The following CNTN1 variants were observed in gnomAD, a reference collection of about 807,000 sequenced individuals.
The protein encoded by CNTN1 is contactin 1.
Under a neutral mutation model 126.4 loss-of-function variants are expected in CNTN1, and 38 were observed. The observed-to-expected ratio is 0.30, with a 90% confidence interval of 0.23 to 0.39. The LOEUF (loss-of-function observed/expected upper bound fraction) is 0.39, where lower values mean the gene tolerates loss of function less well. Ranked by LOEUF, CNTN1 falls within the 10% of genes least tolerant of loss-of-function variation. CNTN1 has a pLI of 1.00. For missense variants in CNTN1, 1,009 were observed against 1,248.4 expected (o/e 0.81, Z 2.89); for synonymous variants, 413 against 422.6 (o/e 0.98, Z 0.28).
At chr12:41,024,795 A>T (rs1289390695) in intron 20 of CNTN1, among the ~76,000 whole-genome samples, 2 of 152,228 alleles carry the variant, frequency 1.3e-5, no homozygotes, top group African/African-American at 2.4e-5. Context: ...GAAATAAATG[A>T]TAAAAATTAT....
intron 1 of CNTN1, among the ~76,000 whole-genome samples, chr12:40,857,296 C>T (rs1284895864): frequency 1.3e-5 from 2 of 152,020 alleles, no homozygotes; most frequent in Non-Finnish European, 2.9e-5. Context: ...AGGTGTTCAC[C>T]AAATAAGCCA....
chr12:41,040,119 G>T (rs758851353), intron 23 of CNTN1, among the ~76,000 whole-genome samples: 62 of 152,106 alleles, frequency 4.1e-4, no homozygotes, highest in Non-Finnish European at 7.2e-4. Flanking sequence ...AAAGAAGAGG[G>T]TCTGTCTCTT....
chr12:40,716,139 C>T (rs1171787141), intron 1 of CNTN1, among the ~76,000 whole-genome samples: 2 of 152,174 alleles, frequency 1.3e-5, no homozygotes, highest in African/African-American at 2.4e-5. Flanking sequence ...AAAGGATAAA[C>T]TTTTCCATGG....
At chr12:40,977,770 TGTTTTGTTTTG>T (rs1566078826) in intron 15 of CNTN1, among the ~76,000 whole-genome samples, 1 of 134,854 alleles carries the variant, frequency 7.4e-6, no homozygotes, top group African/African-American at 2.6e-5. Context: ...TCATCTGTTT[TGTTTTGTTTTG>T]TTTTGTTTTG....
intron 23 of CNTN1, among the ~76,000 whole-genome samples, chr12:41,052,577 C>A (rs1446957085): frequency 6.6e-6 from 1 of 151,912 alleles, no homozygotes; most frequent in South Asian, 2.1e-4. Context: ...CTTTATCATA[C>A]TTTATCTATC....
chr12:40,967,459 G>A (rs947088410), intron 15 of CNTN1, among the ~76,000 whole-genome samples: 16 of 152,070 alleles, frequency 1.1e-4, no homozygotes, highest in Non-Finnish European at 1.9e-4. Flanking sequence ...TAGCCTGGGC[G>A]ACAGAGTGAG....
chr12:40,891,414 C>G (rs922218118), intron 1 of CNTN1, among the ~76,000 whole-genome samples: 1 of 152,032 alleles, frequency 6.6e-6, no homozygotes, highest in African/African-American at 2.4e-5. Flanking sequence ...GCCTTTATTG[C>G]TATATCAAAG....
chr12:40,930,124 G>A (rs1290785044), intron 7 of CNTN1, 122 bp downstream of exon 7: 7 of 841,802 alleles, frequency 8.3e-6, no homozygotes, highest in Non-Finnish European at 1.4e-5. Context: ...AATATAAAAG[G>A]GGATGCATGT....
intron 23 of CNTN1, among the ~76,000 whole-genome samples, chr12:41,068,087 T>C (rs948862067): frequency 1.3e-5 from 2 of 152,194 alleles, no homozygotes; most frequent in African/African-American, 2.4e-5. Context: ...TTGCTAAAGC[T>C]ACCTGCAAGA....
At chr12:40,956,978 G>A (rs1444871650) in intron 14 of CNTN1, among the ~76,000 whole-genome samples, 1 of 151,842 alleles carries the variant, frequency 6.6e-6, no homozygotes, top group African/African-American at 2.4e-5. Flanking sequence ...AAGAATTTAT[G>A]ATGAGTTTAT....
chr12:40,966,479 C>T (rs950113753), intron 15 of CNTN1, among the ~76,000 whole-genome samples: 11 of 151,994 alleles, frequency 7.2e-5, no homozygotes, highest in African/African-American at 2.7e-4. Flanking sequence ...GGCTGGTTCT[C>T]CATAATTGTA....
At chr12:40,855,899 T>G (rs1435402213) in intron 1 of CNTN1, among the ~76,000 whole-genome samples, 1 of 152,176 alleles carries the variant, frequency 6.6e-6, no homozygotes, top group Non-Finnish European at 1.5e-5. Context: ...AAATGGAAAT[T>G]GCTTGACTTA....
At chr12:40,708,376 A>G (rs1941823302) in intron 1 of CNTN1, among the ~76,000 whole-genome samples, 3 of 152,242 alleles carry the variant, frequency 2.0e-5, no homozygotes, top group South Asian at 4.1e-4. Context: ...CATTATGTCT[A>G]AGAAAATGTA....
At chr12:40,877,034 T>C (rs1322258882) in intron 1 of CNTN1, among the ~76,000 whole-genome samples, 1 of 152,190 alleles carries the variant, frequency 6.6e-6, no homozygotes, top group African/African-American at 2.4e-5. Context: ...TTTGAGCTGC[T>C]CTAAGAACTG....
intron 1 of CNTN1, among the ~76,000 whole-genome samples, chr12:40,844,173 T>G (rs1942408198): frequency 1.3e-5 from 2 of 148,992 alleles, no homozygotes; most frequent in Non-Finnish European, 3.0e-5. Context: ...GTTCAAGCGA[T>G]TCTTCTGCCT....
chr12:41,051,965 ATT>A (rs1949697384), intron 23 of CNTN1, among the ~76,000 whole-genome samples: 1 of 150,890 alleles, frequency 6.6e-6, no homozygotes, highest in African/African-American at 2.4e-5. Context: ...TAAATAATCC[ATT>A]CTCTGTGAGC....
chr12:40,784,989 G>A (rs1396163614), intron 1 of CNTN1, among the ~76,000 whole-genome samples: 1 of 151,996 alleles, frequency 6.6e-6, no homozygotes, highest in East Asian at 1.9e-4. Context: ...TAAATTCAAG[G>A]CATTTCCTAG....
chr12:40,908,623 T>G, intron 2 of CNTN1, 130 bp downstream of exon 2: 2 of 626,826 alleles, frequency 3.2e-6, no homozygotes, highest in South Asian at 3.9e-5. Context: ...TAGATAAATA[T>G]GTATCAAGGG....
chr12:41,051,000 G>A (rs1251503786), intron 23 of CNTN1, among the ~76,000 whole-genome samples: 5 of 152,098 alleles, frequency 3.3e-5, no homozygotes, highest in African/African-American at 1.2e-4. Flanking sequence ...CTTTCACTTA[G>A]TTGGAGGCCA....
Sources: allele counts gnomAD v4.1 joint callset (sites outside exome capture counted in the v4.1 genomes callset), GRCh38; gene constraint gnomAD v4.1.1; transcripts MANE v1.5; gene names NCBI Gene and HGNC (gene_info 2026-07-23, HGNC 2026-07-21).